NPAS3: variants seen among roughly 807,000 people sequenced by gnomAD.
NPAS3 encodes the protein neuronal PAS domain-containing protein 3.
NPAS3 carries 14 observed loss-of-function variants against 73.1 expected under a neutral mutation model. The ratio of observed to expected loss-of-function variants is 0.19; its 90% CI spans 0.13 to 0.30. The LOEUF is 0.30. NPAS3 is among the 10% of genes least tolerant of loss of function. The pLI, the probability that NPAS3 is intolerant of heterozygous loss-of-function variation, is 1.00. For synonymous variants in NPAS3, 620 were observed against 541.5 expected (o/e 1.14, Z -2.01); for missense variants, 1,096 against 1,250.0 (o/e 0.88, Z 1.86).
chr14:33,575,855 T>C (rs2056411959), intron 5 of NPAS3, among the ~76,000 whole-genome samples: 1 of 152,136 alleles, frequency 6.6e-6, no homozygotes, highest in African/African-American at 2.4e-5. Context: ...ACCTTAAGAA[T>C]GTGTATCAAT....
chr14:33,433,612 A>G (rs1490897038), intron 4 of NPAS3, among the ~76,000 whole-genome samples: 3 of 152,190 alleles, frequency 2.0e-5, no homozygotes, highest in Admixed American at 2.0e-4. Flanking sequence ...TGCTTTTCTT[A>G]GCAAGCAGCA....
chr14:33,726,077 G>A (rs759911842), intron 6 of NPAS3, among the ~76,000 whole-genome samples: 24 of 152,110 alleles, frequency 1.6e-4, no homozygotes, highest in Admixed American at 6.5e-4. Context: ...TCTTTAATTA[G>A]CATTTCCAAC....
chr14:33,661,402 G>A (rs375518707), intron 5 of NPAS3, among the ~76,000 whole-genome samples: 8 of 152,112 alleles, frequency 5.3e-5, no homozygotes, highest in Non-Finnish European at 1.0e-4. Context: ...ACCCTGCCCC[G>A]TTCAGACTGA....
chr14:33,615,359 G>T (rs1369822883), intron 5 of NPAS3, among the ~76,000 whole-genome samples: 4 of 152,184 alleles, frequency 2.6e-5, no homozygotes, highest in African/African-American at 7.2e-5. Context: ...GAGGCAGAAA[G>T]ATCAAGGAGC....
intron 4 of NPAS3, among the ~76,000 whole-genome samples, chr14:33,440,504 G>C (rs1010591595): frequency 3.9e-5 from 6 of 152,186 alleles, no homozygotes; most frequent in African/African-American, 1.2e-4. Flanking sequence ...TTTCTTAATA[G>C]TTAACTTCAC....
chr14:33,308,527 T>TATATACACACAC, intron 3 of NPAS3, among the ~76,000 whole-genome samples: 11 of 103,710 alleles, frequency 1.1e-4, no homozygotes, highest in African/African-American at 1.9e-4. Flanking sequence ...TATATATATA[T>TATATACACACAC]ACATACACAC....
chr14:33,802,824 T>C (rs931859109), downstream of NPAS3: 1 of 152,220 alleles, frequency 6.6e-6, no homozygotes, highest in Non-Finnish European at 1.5e-5. Flanking sequence ...GTTTTACCTT[T>C]TAAAATTCCT....
chr14:33,745,814 A>T (rs959606671), intron 7 of NPAS3, among the ~76,000 whole-genome samples: 2 of 152,300 alleles, frequency 1.3e-5, no homozygotes, highest in East Asian at 3.9e-4. Context: ...TATTGATTTG[A>T]TTATAAGGGA....
chr14:33,727,689 A>G (rs2061306582), intron 6 of NPAS3, among the ~76,000 whole-genome samples: 1 of 152,068 alleles, frequency 6.6e-6, no homozygotes, highest in Non-Finnish European at 1.5e-5. Context: ...AATGTTATTG[A>G]CTGTGTTTTT....
chr14:33,419,326 A>G (rs1159392930), intron 4 of NPAS3, among the ~76,000 whole-genome samples: 1 of 151,954 alleles, frequency 6.6e-6, no homozygotes, highest in African/African-American at 2.4e-5. Context: ...ATATATTAGT[A>G]TAACATCAAC....
chr14:33,039,721 C>T (rs755195050), intron 1 of NPAS3, among the ~76,000 whole-genome samples: 12 of 152,168 alleles, frequency 7.9e-5, no homozygotes, highest in Non-Finnish European at 1.6e-4. Context: ...CAGTTGTAGT[C>T]GTCTTCTAAT....
At chr14:33,777,578 G>A (rs2062860636) in intron 8 of NPAS3, among the ~76,000 whole-genome samples, 1 of 151,082 alleles carries the variant, frequency 6.6e-6, no homozygotes, top group Admixed American at 6.6e-5. Flanking sequence ...AAAAACACAT[G>A]AAGAGTAAAG....
chr14:32,976,704 A>C (rs1164468300), intron 1 of NPAS3, among the ~76,000 whole-genome samples: 1 of 152,202 alleles, frequency 6.6e-6, no homozygotes, highest in African/African-American at 2.4e-5. Context: ...ATGCATACAC[A>C]CAGAGCACAG....
chr14:33,294,058 G>A (rs985648685), intron 3 of NPAS3, among the ~76,000 whole-genome samples: 3 of 152,182 alleles, frequency 2.0e-5, no homozygotes, highest in Admixed American at 6.5e-5. Context: ...GGTACCATGA[G>A]AAAAACACAA....
chr14:32,957,372 AT>A (rs199933003), intron 1 of NPAS3, among the ~76,000 whole-genome samples: 2,431 of 131,760 alleles, frequency 0.018, 38 homozygotes, highest in African/African-American at 0.056. Context: ...ATTCATTTTC[AT>A]TTTTTTTTTT....
intron 9 of NPAS3, among the ~76,000 whole-genome samples, chr14:33,793,336 C>T (rs1443936287): frequency 6.6e-6 from 1 of 152,144 alleles, no homozygotes; most frequent in South Asian, 2.1e-4. Flanking sequence ...GAATCTCCCC[C>T]GACTGACCAG....
At chr14:33,468,477 AG>A (rs2050630922) in intron 4 of NPAS3, among the ~76,000 whole-genome samples, 1 of 152,172 alleles carries the variant, frequency 6.6e-6, no homozygotes, top group African/African-American at 2.4e-5. Context: ...TATTCTTTGG[AG>A]GGTCTCTTTT....
intron 6 of NPAS3, among the ~76,000 whole-genome samples, chr14:33,708,926 A>T (rs748464687): frequency 6.6e-6 from 1 of 152,176 alleles, no homozygotes; most frequent in Admixed American, 6.5e-5. Context: ...TGCCTCTACT[A>T]GACCTGAGCA....
At chr14:32,971,790 G>T (rs2037436438) in intron 1 of NPAS3, among the ~76,000 whole-genome samples, 1 of 152,030 alleles carries the variant, frequency 6.6e-6, no homozygotes, top group Non-Finnish European at 1.5e-5. Context: ...TCTCCAAACG[G>T]TTTATTACTA....
Sources: allele counts gnomAD v4.1 joint callset (sites outside exome capture counted in the v4.1 genomes callset), GRCh38; gene constraint gnomAD v4.1.1; transcripts MANE v1.5; gene names NCBI Gene and HGNC (gene_info 2026-07-23, HGNC 2026-07-21).